The following NCAM2 variants were observed in gnomAD, a reference collection of about 807,000 sequenced individuals.
NCAM2 encodes N-CAM-2.
In NCAM2, 30 loss-of-function variants were observed where a neutral mutation model predicts 98.1. The observed-to-expected ratio is 0.31, with a 90% CI of 0.23 to 0.41. The LOEUF (loss-of-function observed/expected upper bound fraction) is 0.41. NCAM2 is among the 10% of genes least tolerant of loss of function. The probability of loss-of-function intolerance (pLI) is 1.00; values close to 1 mark genes in which losing one functional copy is unlikely to be tolerated. For synonymous variants in NCAM2, 368 were observed against 342.4 expected, an observed-to-expected ratio of 1.07 and a Z score of -0.83; for missense variants, 867 against 1,005.8, an observed-to-expected ratio of 0.86 and a Z score of 1.87.
intron 1 of NCAM2, among the ~76,000 whole-genome samples, chr21:21,090,005 T>C (rs2065980427): frequency 6.6e-6 from 1 of 152,090 alleles, no homozygotes; most frequent in African/African-American, 2.4e-5. Context: ...ATGCAAGGAC[T>C]GGGGGTGGGA....
intron 15 of NCAM2, among the ~76,000 whole-genome samples, chr21:21,482,379 TTAGAAATAAGTTATCTGTAATAAAC>T (rs1239071128): frequency 6.6e-6 from 1 of 152,096 alleles, no homozygotes; most frequent in East Asian, 1.9e-4. Context: ...TTCAAACATA[TTAGAAATAAGTTATCTGTAATAAAC>T]TAGCACATCT....
chr21:21,394,469 CTTTTTTTTTTTTTTTTTTTTT>C lies in NCAM2; in HGVS notation c.1196-15788_1196-15768del, dbSNP rs532068473. On this transcript the variant is annotated intron_variant, in intron 9 of 17. Transcript: ENST00000400546. ...GACCTTAGTTAATTTAAGGGGCCAG[CTTTTTTTTTTTTTTTTTTTTT>C]TTTTTTTTTTTTTTTTGAGACAGAG... Among the ~76,000 whole-genome samples, 28 of 57,670 alleles carry C rather than the reference CTTTTTTTTTTTTTTTTTTTTT, an allele frequency of 4.9e-4. 1 individual carries two copies. The East Asian group carries it at 7.6e-3, about 16-fold the overall frequency. The allele number at this position is 57,670 out of a possible 152,430, so 37.8% of individuals were successfully genotyped here.
At chr21:21,470,320 A>G (rs1984279448) in intron 14 of NCAM2, among the ~76,000 whole-genome samples, 1 of 152,108 alleles carries the variant, frequency 6.6e-6, no homozygotes, top group Non-Finnish European at 1.5e-5. Flanking sequence ...TCAAATTCAT[A>G]TTGATTTCTT....
intron 1 of NCAM2, among the ~76,000 whole-genome samples, chr21:21,166,239 G>A (rs987264548): frequency 3.9e-5 from 6 of 152,070 alleles, no homozygotes; most frequent in Admixed American, 2.0e-4. Context: ...ACGGAGTCTC[G>A]CTCTGTCGCC....
chr21:21,101,636 A>G (rs181704786), intron 1 of NCAM2, among the ~76,000 whole-genome samples: 1 of 152,178 alleles, frequency 6.6e-6, no homozygotes, highest in African/African-American at 2.4e-5. Flanking sequence ...GTTTTCTGTG[A>G]TTCACTAGCT....
In NCAM2 at chr21:21,540,005, T is replaced by A. The variant is rs981851273; in HGVS notation, c.*2048T>A. On this transcript the variant is annotated 3_prime_UTR_variant, in exon 18 of 18. Coordinates refer to ENST00000400546, the MANE Select transcript of NCAM2 (RefSeq NM_004540.5). ...CAAAGTGTACAAGCTTAGTAAAGTG[T>A]CCATGAAGCAATAGCCATGAATGCT... 7 of 152,138 alleles carry A rather than the reference T, an allele frequency of 4.6e-5. No individual in the cohort carries two copies. Among genetic ancestry groups the A allele is most frequent in the African/African-American group, 1.7e-4 (7 of 41,458 alleles). 9.4% of individuals were successfully genotyped at this position (152,138 alleles called of 1,614,324 possible).
chr21:21,450,799 C>T (rs1441156903), intron 12 of NCAM2, among the ~76,000 whole-genome samples: 531 of 37,020 alleles, frequency 0.014, 3 homozygotes, highest in African/African-American at 0.027. Flanking sequence ...TGTATACACA[C>T]ACACACACAC....
At chr21:21,459,949 A>G (rs79996594) in intron 12 of NCAM2, among the ~76,000 whole-genome samples, 7 of 152,104 alleles carry the variant, frequency 4.6e-5, no homozygotes, top group African/African-American at 7.2e-5. Flanking sequence ...AAATACAAAC[A>G]TATTAAAAAA....
At chr21:21,311,960 G>A (rs2074068228) in intron 5 of NCAM2, among the ~76,000 whole-genome samples, 1 of 152,082 alleles carries the variant, frequency 6.6e-6, no homozygotes, top group South Asian at 2.1e-4. Flanking sequence ...CTGCAAATTG[G>A]AAAAGATTTC....
chr21:21,264,862 G>T (rs1462718700), intron 1 of NCAM2, among the ~76,000 whole-genome samples: 2 of 134,860 alleles, frequency 1.5e-5, no homozygotes, highest in African/African-American at 5.3e-5. Flanking sequence ...GCACACACGT[G>T]TGTGTGTGTT....
At chr21:21,166,037 C>T (rs1264702977) in intron 1 of NCAM2, among the ~76,000 whole-genome samples, 2 of 152,112 alleles carry the variant, frequency 1.3e-5, no homozygotes, top group African/African-American at 4.8e-5. Context: ...GCTTTATTCC[C>T]TGAGAAACCT....
intron 1 of NCAM2, among the ~76,000 whole-genome samples, chr21:21,229,940 TATC>T (rs2070553278): frequency 6.6e-6 from 1 of 151,510 alleles, no homozygotes; most frequent in African/African-American, 2.4e-5. Context: ...TCAATAAAAA[TATC>T]ATATAACATT....
At chr21:21,243,635 C>G (rs752702911) in intron 1 of NCAM2, among the ~76,000 whole-genome samples, 2 of 152,128 alleles carry the variant, frequency 1.3e-5, no homozygotes, top group Non-Finnish European at 2.9e-5. Context: ...CATCACATGA[C>G]TATCTAGCTT....
chr21:21,214,873 A>G (rs2069827983), intron 1 of NCAM2, among the ~76,000 whole-genome samples: 2 of 150,900 alleles, frequency 1.3e-5, no homozygotes. Flanking sequence ...TGCCTCAAAT[A>G]CAGCAACAAA....
intron 1 of NCAM2, among the ~76,000 whole-genome samples, chr21:21,216,103 C>T (rs1234838192): frequency 6.6e-6 from 1 of 152,120 alleles, no homozygotes; most frequent in Non-Finnish European, 1.5e-5. Flanking sequence ...CAATTTTTGA[C>T]ATGTAATTTG....
At chr21:21,301,142 G>T (rs2073697206) in intron 5 of NCAM2, among the ~76,000 whole-genome samples, 1 of 151,946 alleles carries the variant, frequency 6.6e-6, no homozygotes, top group South Asian at 2.1e-4. Flanking sequence ...TTAGATCTTT[G>T]TTGGAGGCAT....
intron 1 of NCAM2, among the ~76,000 whole-genome samples, chr21:21,236,583 A>G (rs950418717): frequency 6.6e-6 from 1 of 152,162 alleles, no homozygotes; most frequent in Non-Finnish European, 1.5e-5. Context: ...CCTCTGATAA[A>G]TAATAAATAC....
chr21:21,500,049 C>T (rs1471820311), intron 15 of NCAM2, among the ~76,000 whole-genome samples: 2 of 151,990 alleles, frequency 1.3e-5, no homozygotes, highest in African/African-American at 4.8e-5. Context: ...AAACACCCAT[C>T]TTGGAAGTGG....
chr21:21,029,008 G>T (rs895972883), intron 1 of NCAM2, among the ~76,000 whole-genome samples: 18 of 152,172 alleles, frequency 1.2e-4, no homozygotes, highest in African/African-American at 4.3e-4. Flanking sequence ...GTATTTGAAT[G>T]CAAACAGAGC....
Sources: gnomAD v4.1 joint callset for allele counts (sites outside exome capture counted in the v4.1 genomes callset) on GRCh38, gnomAD v4.1.1 for gene constraint, MANE v1.5 for transcripts, NCBI Gene and HGNC (gene_info 2026-07-23, HGNC 2026-07-21) for gene names.